EYS: variants seen among roughly 807,000 people sequenced by gnomAD.
EYS encodes the protein protein eyes shut homolog.
Under a neutral mutation model 282.1 loss-of-function variants are expected in EYS, and 250 were observed. The observed-to-expected ratio is 0.89, with a 90% CI of 0.80 to 0.98. The LOEUF is 0.98. Among genes scored for constraint, EYS ranks in the 50% least tolerant of loss-of-function variants. EYS has a pLI of 0.00. For synonymous variants in EYS, 1,355 were observed against 1,282.9 expected (o/e 1.06, Z -1.20); for missense variants, 4,016 against 3,709.0 (o/e 1.08, Z -2.15).
intron 31 of EYS, among the ~76,000 whole-genome samples, chr6:64,138,988 C>T (rs9294396): frequency 0.26 from 38,951 of 151,918 alleles, 5,333 homozygotes; most frequent in East Asian, 0.45. Flanking sequence ...AAATTGCAAC[C>T]TCAGGCATAA....
intron 13 of EYS, among the ~76,000 whole-genome samples, chr6:65,036,149 A>G (rs1772763813): frequency 6.6e-6 from 1 of 151,760 alleles, no homozygotes; most frequent in Non-Finnish European, 1.5e-5. Context: ...CCAATGGCAT[A>G]GAATACAGCA....
intron 33 of EYS, among the ~76,000 whole-genome samples, chr6:64,026,633 A>AC (rs1769529378): frequency 6.6e-6 from 1 of 152,178 alleles, no homozygotes; most frequent in African/African-American, 2.4e-5. Flanking sequence ...AGAATACACA[A>AC]TATGCAAAGC....
chr6:64,877,480 T>C (rs146600535), intron 19 of EYS, among the ~76,000 whole-genome samples: 2 of 152,270 alleles, frequency 1.3e-5, no homozygotes, highest in Non-Finnish European at 2.9e-5. Flanking sequence ...ATAATGATGA[T>C]CTAAACAATT....
intron 12 of EYS, among the ~76,000 whole-genome samples, chr6:65,219,812 C>A (rs2150258227): frequency 6.6e-6 from 1 of 152,148 alleles, no homozygotes; most frequent in African/African-American, 2.4e-5. Flanking sequence ...TACATGGCGG[C>A]AGGCAAGAGA....
chr6:64,703,425 ATATAT>A (rs1213416703), intron 22 of EYS, among the ~76,000 whole-genome samples: 17 of 20,736 alleles, frequency 8.2e-4, no homozygotes, highest in African/African-American at 1.9e-3. Flanking sequence ...ATATATATAT[ATATAT>A]TTTTTTTTTT....
intron 12 of EYS, among the ~76,000 whole-genome samples, chr6:65,269,280 T>A (rs1403134248): frequency 6.6e-6 from 1 of 152,168 alleles, no homozygotes; most frequent in Non-Finnish European, 1.5e-5. Context: ...AACAAGCATG[T>A]CTAGATTATC....
chr6:64,052,905 T>C (rs1472420570), intron 33 of EYS, among the ~76,000 whole-genome samples: 1 of 152,176 alleles, frequency 6.6e-6, no homozygotes, highest in Non-Finnish European at 1.5e-5. Flanking sequence ...GAACTGTGAG[T>C]CAATTAAATC....
intron 26 of EYS, among the ~76,000 whole-genome samples, chr6:64,528,495 T>A (rs973988017): frequency 9.9e-5 from 15 of 152,120 alleles, no homozygotes; most frequent in South Asian, 2.1e-4. Flanking sequence ...CAAATTCATA[T>A]GGTAACATTT....
intron 33 of EYS, among the ~76,000 whole-genome samples, chr6:64,054,321 G>T (rs553993275): frequency 6.6e-6 from 1 of 152,154 alleles, no homozygotes; most frequent in Admixed American, 6.6e-5. Flanking sequence ...AAAGCATAAG[G>T]TACAATTTCA....
chr6:65,094,236 T>C (rs756339350), intron 12 of EYS, among the ~76,000 whole-genome samples: 13 of 145,308 alleles, frequency 8.9e-5, no homozygotes, highest in Non-Finnish European at 1.7e-4. Context: ...ACATGACTTA[T>C]ATGAAGGGAG....
chr6:65,583,902 T>G (rs528060442), intron 2 of EYS, among the ~76,000 whole-genome samples: 2 of 152,000 alleles, frequency 1.3e-5, no homozygotes, highest in South Asian at 4.2e-4. Flanking sequence ...ACCTAACATA[T>G]CTTATGAACA....
intron 29 of EYS, among the ~76,000 whole-genome samples, chr6:64,350,168 A>G (rs779384865): frequency 3.3e-5 from 5 of 151,510 alleles, no homozygotes; most frequent in Admixed American, 6.6e-5. Flanking sequence ...TTTTTGTCAT[A>G]CATAATATTC....
intron 22 of EYS, among the ~76,000 whole-genome samples, chr6:64,663,925 A>G (rs1025292883): frequency 3.9e-5 from 6 of 152,220 alleles, no homozygotes; most frequent in South Asian, 4.1e-4. Context: ...GTTAAGCTAG[A>G]TTAGGATGAA....
At chr6:63,976,306 A>G (rs752611963) in intron 35 of EYS, among the ~76,000 whole-genome samples, 12 of 152,092 alleles carry the variant, frequency 7.9e-5, no homozygotes, top group Non-Finnish European at 1.0e-4. Context: ...TGATGTTACA[A>G]TAGCCACAAC....
chr6:64,051,456 T>C (rs1770807670), intron 33 of EYS, among the ~76,000 whole-genome samples: 1 of 152,062 alleles, frequency 6.6e-6, no homozygotes, highest in African/African-American at 2.4e-5. Flanking sequence ...ATGTACAGGG[T>C]CTATCAATGT....
intron 2 of EYS, among the ~76,000 whole-genome samples, chr6:65,516,845 AAAC>A (rs1767154562): frequency 6.6e-6 from 1 of 152,068 alleles, no homozygotes; most frequent in South Asian, 2.1e-4. Flanking sequence ...GTTTATGAGA[AAAC>A]AAATTAGATT....
chr6:64,675,348 T>A (rs1013831650), intron 22 of EYS, among the ~76,000 whole-genome samples: 1 of 152,016 alleles, frequency 6.6e-6, no homozygotes, highest in Non-Finnish European at 1.5e-5. Context: ...GCAAAATAAA[T>A]CTTCCTAAAC....
intron 22 of EYS, among the ~76,000 whole-genome samples, chr6:64,695,771 G>C (rs543336345): frequency 5.9e-5 from 9 of 151,908 alleles, no homozygotes; most frequent in African/African-American, 2.2e-4. Context: ...TTTTAGTAGA[G>C]ATGGGGTTTC....
At chr6:64,416,864 T>C (rs1774073217) in intron 28 of EYS, among the ~76,000 whole-genome samples, 1 of 152,150 alleles carries the variant, frequency 6.6e-6, no homozygotes, top group African/African-American at 2.4e-5. Context: ...AATAATAATC[T>C]TATTAGCTAA....
Sources: gnomAD v4.1 joint callset for allele counts (sites outside exome capture counted in the v4.1 genomes callset) on GRCh38, gnomAD v4.1.1 for gene constraint, MANE v1.5 for transcripts, NCBI Gene and HGNC (gene_info 2026-07-23, HGNC 2026-07-21) for gene names.